Variants in CACNG2 observed in about 807,000 individuals in gnomAD.
The protein encoded by CACNG2 is calcium voltage-gated channel auxiliary subunit gamma 2.
CACNG2 carries 3 observed loss-of-function variants against 25.9 expected under a neutral mutation model. The observed-to-expected ratio is 0.12, with a 90% CI of 0.05 to 0.30. The LOEUF (loss-of-function observed/expected upper bound fraction) is 0.30, where lower values mean the gene tolerates loss of function less well. CACNG2 is among the 10% of genes least tolerant of loss of function. CACNG2 has a pLI of 1.00. For missense variants in CACNG2, 341 were observed against 432.5 expected, an observed-to-expected ratio of 0.79 and a Z score of 1.88; for synonymous variants, 167 against 173.3, an observed-to-expected ratio of 0.96 and a Z score of 0.29.
At chr22:36,605,319 C>T (rs1163456016) in intron 1 of CACNG2, among the ~76,000 whole-genome samples, 1 of 152,204 alleles carries the variant, frequency 6.6e-6, no homozygotes, top group East Asian at 1.9e-4. Flanking sequence ...AAGTGATTCA[C>T]CCACCTTGGC....
At chr22:36,581,477 C>G (rs988333417) in intron 2 of CACNG2, among the ~76,000 whole-genome samples, 3 of 152,218 alleles carry the variant, frequency 2.0e-5, no homozygotes, top group Non-Finnish European at 4.4e-5. Context: ...GTGAGCCCCA[C>G]CATCCTTTCC....
chr22:36,650,514 T>C (rs1209058472), intron 1 of CACNG2, among the ~76,000 whole-genome samples: 2 of 151,974 alleles, frequency 1.3e-5, no homozygotes, highest in Non-Finnish European at 2.9e-5. Flanking sequence ...GCTGGGACTA[T>C]AAGCATGTGC....
chr22:36,575,795 G>C (rs1935303241), intron 2 of CACNG2, among the ~76,000 whole-genome samples: 2 of 152,154 alleles, frequency 1.3e-5, no homozygotes, highest in Admixed American at 6.5e-5. Flanking sequence ...AATCAAAATA[G>C]TCACCGTAAT....
At chr22:36,596,733 C>T (rs1301145182) in intron 1 of CACNG2, among the ~76,000 whole-genome samples, 1 of 152,104 alleles carries the variant, frequency 6.6e-6, no homozygotes, top group African/African-American at 2.4e-5. Flanking sequence ...TGCATCCTGT[C>T]CTGGCTCTTG....
At chr22:36,661,350 C>T (rs543046363) in intron 1 of CACNG2, among the ~76,000 whole-genome samples, 7 of 152,272 alleles carry the variant, frequency 4.6e-5, no homozygotes, top group Non-Finnish European at 1.0e-4. Context: ...GGAGATTACA[C>T]GGTGAAGTGG....
At position 36,563,069 on chromosome 22, in the gene CACNG2, C is replaced by A. The variant is rs915370539; in HGVS notation, c.*1282G>T. 1.3e-5 allele frequency among the ~76,000 whole-genome samples: 2 copies of A among 152,020 alleles called. No homozygotes were observed. Among genetic ancestry groups the A allele is most frequent in the Non-Finnish European group, 2.9e-5 (2 of 68,008 alleles). On this transcript the variant is annotated 3_prime_UTR_variant, in exon 4 of 4. Coordinates refer to ENST00000300105, the MANE Select transcript of CACNG2 (RefSeq NM_006078.5). The stretch of plus-strand genomic sequence containing the variant: ...AGAAAAATACTATCTGATTTTCTTG[C>A]AAGTAAATCCACTTATTTTGTATTT...
At chr22:36,569,448 GT>G (rs1215406469) in intron 2 of CACNG2, among the ~76,000 whole-genome samples, 15 of 152,182 alleles carry the variant, frequency 9.9e-5, no homozygotes, top group Non-Finnish European at 2.1e-4. Context: ...GGTCCCACCT[GT>G]GCCACTCACT....
At chr22:36,685,304 C>T (rs1186433880) in intron 1 of CACNG2, among the ~76,000 whole-genome samples, 7 of 152,268 alleles carry the variant, frequency 4.6e-5, no homozygotes, top group South Asian at 4.1e-4. Flanking sequence ...GGCCCGCCCG[C>T]GCCCAGGCAG....
At chr22:36,695,221 AAAAG>A (rs201671547) in intron 1 of CACNG2, among the ~76,000 whole-genome samples, 3,480 of 152,110 alleles carry the variant, frequency 0.023, 124 homozygotes, top group African/African-American at 0.08. Flanking sequence ...GTCTCTTAAA[AAAAG>A]AAAGAAAGAA....
intron 1 of CACNG2, among the ~76,000 whole-genome samples, chr22:36,660,876 A>T (rs1349624870): frequency 6.6e-6 from 1 of 152,240 alleles, no homozygotes; most frequent in Non-Finnish European, 1.5e-5. Context: ...CTTGGGATAA[A>T]TGACTTACTC....
At chr22:36,611,620 T>C (rs1935941702) in intron 1 of CACNG2, among the ~76,000 whole-genome samples, 1 of 152,138 alleles carries the variant, frequency 6.6e-6, no homozygotes, top group African/African-American at 2.4e-5. Flanking sequence ...CACCCCGAAA[T>C]GCCCCTTCTG....
chr22:36,622,290 C>T (rs758496725), intron 1 of CACNG2, among the ~76,000 whole-genome samples: 8 of 152,192 alleles, frequency 5.3e-5, no homozygotes, highest in African/African-American at 9.7e-5. Flanking sequence ...TGGAATCTCC[C>T]GCAGGGCTTG....
At chr22:36,574,584 C>T (rs1327019314) in intron 2 of CACNG2, among the ~76,000 whole-genome samples, 1 of 152,078 alleles carries the variant, frequency 6.6e-6, no homozygotes, top group Non-Finnish European at 1.5e-5. Flanking sequence ...AGTTCGAAAC[C>T]AGCCTGGCCA....
intron 1 of CACNG2, among the ~76,000 whole-genome samples, chr22:36,665,945 T>TAGCTAA (rs764196297): frequency 1.1e-4 from 17 of 152,190 alleles, no homozygotes; most frequent in Non-Finnish European, 2.4e-4. Context: ...TTATTCACAA[T>TAGCTAA]AGCTAAAACC....
intron 1 of CACNG2, among the ~76,000 whole-genome samples, chr22:36,643,758 G>A (rs184021997): frequency 1.3e-5 from 2 of 152,076 alleles, no homozygotes; most frequent in Non-Finnish European, 2.9e-5. Flanking sequence ...GTTCAAGAAG[G>A]GGCATCACCA....
intron 1 of CACNG2, among the ~76,000 whole-genome samples, chr22:36,588,318 G>A (rs145470707): frequency 5.8e-4 from 88 of 152,270 alleles, no homozygotes; most frequent in African/African-American, 2.0e-3. Flanking sequence ...ATGTTTCCTC[G>A]GTGCCTGCTG....
At chr22:36,643,451 T>C (rs1428708728) in intron 1 of CACNG2, among the ~76,000 whole-genome samples, 1 of 150,414 alleles carries the variant, frequency 6.6e-6, no homozygotes, top group Non-Finnish European at 1.5e-5. Context: ...ACTTACATTC[T>C]AATGATCTAC....
At chr22:36,686,743 C>G (rs1184996067) in intron 1 of CACNG2, among the ~76,000 whole-genome samples, 1 of 152,218 alleles carries the variant, frequency 6.6e-6, no homozygotes, top group Non-Finnish European at 1.5e-5. Context: ...CCTGCACTGC[C>G]ACTTGCTGAC....
rs949267313 is a variant in CACNG2, at chr22:36,563,726, C to T, written c.*625G>A. Among the ~76,000 whole-genome samples the T allele has an allele frequency of 1.3e-4, 20 of 151,886 alleles. No individual in the cohort carries two copies. The highest frequency in any genetic ancestry group is 2.2e-4 in the Non-Finnish European group (15 of 67,906). On this transcript the variant is annotated 3_prime_UTR_variant, in exon 4 of 4. Transcript: ENST00000300105. Reference sequence around the variant, plus strand: ...GGCACCCACCCAGGGGCTCCAGGGACCTGGCAGTGACTGCAGGCTCACCTG... The same window carrying T: ...GGCACCCACCCAGGGGCTCCAGGGATCTGGCAGTGACTGCAGGCTCACCTG...
Sources: gnomAD v4.1 joint callset for allele counts (sites outside exome capture counted in the v4.1 genomes callset) on GRCh38, gnomAD v4.1.1 for gene constraint, MANE v1.5 for transcripts, NCBI Gene and HGNC (gene_info 2026-07-23, HGNC 2026-07-21) for gene names.